Variants in KHDRBS2 observed in about 807,000 individuals in gnomAD.
KHDRBS2 encodes the protein KH RNA binding domain containing, signal transduction associated 2.
KHDRBS2 carries 26 observed loss-of-function variants against 44.3 expected under a neutral mutation model. The ratio of observed to expected loss-of-function variants is 0.59; its 90% confidence interval spans 0.43 to 0.81. The LOEUF is 0.81. Ranked by LOEUF, KHDRBS2 falls within the 40% of genes least tolerant of loss-of-function variation. The probability of loss-of-function intolerance (pLI) is 0.00; values close to 1 mark genes in which losing one functional copy is unlikely to be tolerated. For missense variants in KHDRBS2, 476 were observed against 433.1 expected, an observed-to-expected ratio of 1.10 and a Z score of -0.88; for synonymous variants, 194 against 151.1, an observed-to-expected ratio of 1.28 and a Z score of -2.08.
intron 3 of KHDRBS2, among the ~76,000 whole-genome samples, chr6:62,018,774 A>G (rs1257187460): frequency 6.6e-6 from 1 of 152,180 alleles, no homozygotes; most frequent in African/African-American, 2.4e-5. Flanking sequence ...TCTCATTACA[A>G]AAATATTTTT....
At chr6:62,026,600 C>T (rs1489987905) in intron 3 of KHDRBS2, among the ~76,000 whole-genome samples, 1 of 148,372 alleles carries the variant, frequency 6.7e-6, no homozygotes, top group Non-Finnish European at 1.5e-5. Context: ...GCTTGGTTAA[C>T]TTTTTTTTTT....
chr6:62,278,675 A>C (rs1369975074), intron 1 of KHDRBS2, among the ~76,000 whole-genome samples: 1 of 152,226 alleles, frequency 6.6e-6, no homozygotes, highest in Non-Finnish European at 1.5e-5. Context: ...GAAAGTGGAA[A>C]AAAGGAGGCC....
chr6:62,064,389 G>T (rs1461890487), intron 2 of KHDRBS2, among the ~76,000 whole-genome samples: 1 of 147,346 alleles, frequency 6.8e-6, no homozygotes, highest in Non-Finnish European at 1.5e-5. Context: ...TATACTACAA[G>T]GCTACAGTAA....
At chr6:62,169,210 T>TATATACGTATACATACATGTATATATAC (rs1454018151) in intron 2 of KHDRBS2, among the ~76,000 whole-genome samples, 1 of 145,666 alleles carries the variant, frequency 6.9e-6, no homozygotes, top group Non-Finnish European at 1.5e-5. Flanking sequence ...TGTATATATA[T>TATATACGTATACATACATGTATATATAC]GTATATATAC....
intron 6 of KHDRBS2, among the ~76,000 whole-genome samples, chr6:61,782,712 T>A (rs1415046281): frequency 7.7e-6 from 1 of 129,404 alleles, no homozygotes; most frequent in African/African-American, 3.5e-5. Context: ...TATATATATA[T>A]ATATATATAT....
intron 1 of KHDRBS2, among the ~76,000 whole-genome samples, chr6:62,241,243 A>G (rs1398179734): frequency 6.6e-6 from 1 of 152,196 alleles, no homozygotes; most frequent in Non-Finnish European, 1.5e-5. Context: ...AGGAAAAACT[A>G]TAATGACAGT....
intron 4 of KHDRBS2, among the ~76,000 whole-genome samples, chr6:61,923,412 A>C (rs1808406890): frequency 6.6e-6 from 1 of 151,982 alleles, no homozygotes; most frequent in Non-Finnish European, 1.5e-5. Flanking sequence ...AAAACTTCCA[A>C]AGTGCACTTA....
rs1803983212 is a variant in KHDRBS2 at position 61,901,354 on chromosome 6, A to T, written c.501T>A (p.Ile167=). The T allele has an allele frequency of 1.2e-6, 2 of 1,613,016 alleles. No homozygotes were observed. The highest frequency in any genetic ancestry group is 8.5e-7 in the Non-Finnish European group (1 of 1,179,492). ...ATAATTCACGTAGTTGTTCCTGACG[A>T]ATTTCATCATTGTAGTCCTGGAGAA... ...KFLVPDYNDE[I]RQEQLRELSY... is the part of the protein sequence containing the mutation. Residue 167 remains isoleucine, a synonymous_variant, in exon 5 of 9, where the codon ATT becomes ATA. Coordinates refer to ENST00000281156, the MANE Select transcript of KHDRBS2 (RefSeq NM_152688.4).
intron 1 of KHDRBS2, among the ~76,000 whole-genome samples, chr6:62,213,521 A>C (rs1829443658): frequency 6.6e-6 from 1 of 152,162 alleles, no homozygotes; most frequent in Admixed American, 6.5e-5. Context: ...GGAAGGGCTA[A>C]CCTTGATAGA....
At chr6:61,846,345 A>G (rs1562289285) in intron 6 of KHDRBS2, among the ~76,000 whole-genome samples, 1 of 152,252 alleles carries the variant, frequency 6.6e-6, no homozygotes, top group Admixed American at 6.5e-5. Context: ...ATCATATAAT[A>G]GAAAATCTAA....
chr6:61,568,350 A>G, the KHDRBS2 span, among the ~76,000 whole-genome samples: 2 of 152,132 alleles, frequency 1.3e-5, no homozygotes, highest in South Asian at 2.1e-4. Context: ...TATGAATTTT[A>G]GGATGTTTTT....
chr6:61,993,674 T>TATATATATATATA (rs58974944), intron 3 of KHDRBS2, among the ~76,000 whole-genome samples: 48 of 84,272 alleles, frequency 5.7e-4, no homozygotes, highest in South Asian at 1.2e-3. Flanking sequence ...TATATATATA[T>TATATATATATATA]TTTTTTTTTT....
At position 62,014,865 on chromosome 6, in the gene KHDRBS2, G is replaced by A. The variant is rs188064744; in HGVS notation, c.336+33013C>T. On this transcript the variant is annotated intron_variant, in intron 3 of 8. Coordinates refer to ENST00000281156, the MANE Select transcript of KHDRBS2 (RefSeq NM_152688.4). ...ACATTACATAAGAAAATAATTACAT[G>A]ATATAAGAAAATAATAAGAATGTGG... Among the ~76,000 whole-genome samples the A allele has an allele frequency of 1.1e-4, 17 of 152,182 alleles. No individual in the cohort carries two copies. In the East Asian group the frequency reaches 3.3e-3, roughly 29 times the overall value.
chr6:62,179,064 T>C (rs1385753835), intron 1 of KHDRBS2, among the ~76,000 whole-genome samples: 1 of 151,602 alleles, frequency 6.6e-6, no homozygotes, highest in Non-Finnish European at 1.5e-5. Flanking sequence ...CCCCCAAATG[T>C]TTTCAAATGG....
chr6:61,697,305 C>T (rs1276964055), intron 7 of KHDRBS2, 52 bp from the exon 8 acceptor site: 1 of 1,156,764 alleles, frequency 8.6e-7, no homozygotes, highest in East Asian at 2.3e-5. Flanking sequence ...GAAATTCAAC[C>T]CAGAAACTCA....
downstream of KHDRBS2, among the ~76,000 whole-genome samples, chr6:61,679,307 A>T (rs1345781010): frequency 1.3e-5 from 2 of 151,866 alleles, no homozygotes; most frequent in African/African-American, 4.8e-5. Context: ...AGTTCTGTTT[A>T]TTGCCTTGAG....
chr6:62,277,733 AAACT>A (rs1841187184), intron 1 of KHDRBS2, among the ~76,000 whole-genome samples: 1 of 152,176 alleles, frequency 6.6e-6, no homozygotes, highest in Non-Finnish European at 1.5e-5. Context: ...TTAATCCTCC[AAACT>A]ATAACTAAAA....
intron 6 of KHDRBS2, among the ~76,000 whole-genome samples, chr6:61,791,592 C>T (rs1784649640): frequency 6.6e-6 from 1 of 151,474 alleles, no homozygotes. Flanking sequence ...GTTTTAGAGT[C>T]TTTTCATGAT....
At chr6:61,884,632 A>T (rs1310130633) in intron 6 of KHDRBS2, among the ~76,000 whole-genome samples, 2 of 151,240 alleles carry the variant, frequency 1.3e-5, no homozygotes, top group Non-Finnish European at 2.9e-5. Flanking sequence ...AAATGTTCTG[A>T]CAGACACTTC....
Sources: allele counts gnomAD v4.1 joint callset (sites outside exome capture counted in the v4.1 genomes callset), GRCh38; gene constraint gnomAD v4.1.1; transcripts MANE v1.5; gene names NCBI Gene and HGNC (gene_info 2026-07-23, HGNC 2026-07-21).